Variants in DHX57 observed in about 807,000 individuals in gnomAD.
The protein encoded by DHX57 is DExH-box helicase 57, also known as putative ATP-dependent RNA helicase DHX57.
A neutral mutation model predicts 156.2 loss-of-function variants in DHX57; 105 were observed. The ratio of observed to expected loss-of-function variants is 0.67; its 90% CI spans 0.57 to 0.79. The LOEUF (loss-of-function observed/expected upper bound fraction) is 0.79. Ranked by LOEUF, DHX57 falls within the 30% of genes least tolerant of loss-of-function variation. The pLI is 0.00. For missense variants in DHX57, 1,847 were observed against 1,661.9 expected (o/e 1.11, Z -1.94); for synonymous variants, 704 against 595.6 (o/e 1.18, Z -2.65).
In DHX57 at chr2:38,875,908, T is replaced by G. The variant is rs550282639; in HGVS notation, c.-128A>C. 5 of 396,632 alleles carry G rather than the reference T, an allele frequency of 1.3e-5. No individual in the cohort carries two copies. Among genetic ancestry groups the G allele is most frequent in the African/African-American group, 8.2e-5 (4 of 48,594 alleles). 24.6% of individuals were successfully genotyped at this position (396,632 alleles called of 1,614,324 possible). ...TGGAGCAGCCCTGCGGTGGCCCAGC[T>G]GCAGCGGCACAGTCCCGGCGCCTTC... is the stretch of plus-strand genomic sequence containing the variant. On this transcript the variant is annotated 5_prime_UTR_variant, in exon 1 of 24. Coordinates refer to ENST00000457308, the MANE Select transcript of DHX57 (RefSeq NM_198963.3).
chr2:38,848,257 C>T lies in DHX57; in HGVS notation c.2164+12G>A. ...TTAGAATGATACATATTTAATGATG[C>T]ATTTTATTCACCTGGTATAGTAATA... On this transcript the variant is annotated intron_variant, in intron 10 of 23. Coordinates refer to ENST00000457308, the MANE Select transcript of DHX57 (RefSeq NM_198963.3). 1 of 1,567,442 alleles carries T rather than the reference C, an allele frequency of 6.4e-7. No individual in the cohort carries two copies. Among genetic ancestry groups the T allele is most frequent in the Non-Finnish European group, 8.6e-7 (1 of 1,160,856 alleles).
At chr2:38,817,344 T>G (rs1486506323) in intron 19 of DHX57, among the ~76,000 whole-genome samples, 1 of 152,226 alleles carries the variant, frequency 6.6e-6, no homozygotes, top group Non-Finnish European at 1.5e-5. Context: ...AGACAAAGTC[T>G]CCCTCTGTTG....
intron 2 of DHX57, among the ~76,000 whole-genome samples, chr2:38,867,430 G>A (rs1665137979): frequency 6.6e-6 from 1 of 152,192 alleles, no homozygotes; most frequent in African/African-American, 2.4e-5. Context: ...TTGAACAGGA[G>A]AGAAACCTAG....
rs760574218 is a variant in DHX57 at position 38,861,704 on chromosome 2, C to T, written c.706G>A (p.Val236Ile). The change falls in exon 5 of 24, where the codon GTC (valine) becomes ATC (isoleucine). Residue 236 changes from valine to isoleucine, a missense_variant. Coordinates refer to ENST00000457308, the MANE Select transcript of DHX57 (RefSeq NM_198963.3). ...FGERMKISEA[V>I]NQISLDECME... is the part of the protein sequence containing the mutation. ...CACTCATCCAAGCTTATCTGGTTGA[C>T]TGCCTCAGAGATCTTCATCCTCTCT... 48 of 1,614,082 alleles carry T rather than the reference C, an allele frequency of 3.0e-5. No individual in the cohort carries two copies. Among genetic ancestry groups the T allele is most frequent in the Middle Eastern group, 3.3e-4 (2 of 6,084 alleles).
chr2:38,861,188 C>A lies in DHX57; in HGVS notation c.1222G>T (p.Val408Leu). 1 of 1,614,108 alleles carries A rather than the reference C, an allele frequency of 6.2e-7. No individual in the cohort carries two copies. The highest frequency in any genetic ancestry group is 1.1e-5 in the South Asian group (1 of 91,074). ...LTFAETSEPV[V>L]YSLITLLEEE... is the part of the protein sequence containing the mutation. ...TCTAAAAGGGTTATCAAAGAATATACGACAGGTTCCGAAGTTTCCGCAAAT... is the reference window on the plus strand; with the variant it reads ...TCTAAAAGGGTTATCAAAGAATATAAGACAGGTTCCGAAGTTTCCGCAAAT... The change falls in exon 5 of 24, where the codon GTA becomes TTA. Residue 408 changes from valine to leucine, a missense_variant. Physicochemically the swap from Val to Leu is conservative, Grantham distance 32. Transcript: ENST00000457308.
rs769528294 is a variant in DHX57 at position 38,860,981 on chromosome 2, G to T, written c.1411+18C>A. On this transcript the variant is annotated intron_variant, in intron 5 of 23. Transcript: ENST00000457308. ...TCATTCTGAATGCCTCCCTCCACAA[G>T]ATCAATGCCTTACATACCTTCTGGA... 3 of 1,599,864 alleles carry T rather than the reference G, an allele frequency of 1.9e-6. No individual in the cohort carries two copies. Among genetic ancestry groups the T allele is most frequent in the East Asian group, 4.5e-5 (2 of 44,798 alleles).
At chr2:38,823,366 T>A in intron 16 of DHX57, 97 bp from the exon 17 acceptor site, 1 of 1,268,328 alleles carries the variant, frequency 7.9e-7, no homozygotes, top group Non-Finnish European at 1.1e-6. Context: ...TTTACAAGTT[T>A]AAATAAAAAA....
chr2:38,798,814 T>C (rs1432009185), intron 23 of DHX57, among the ~76,000 whole-genome samples: 1 of 152,026 alleles, frequency 6.6e-6, no homozygotes, highest in Non-Finnish European at 1.5e-5. Flanking sequence ...TGTGGTGGCA[T>C]GCGCCTGTAA....
intron 6 of DHX57, 162 bp from the exon 7 acceptor site, chr2:38,856,623 G>T: frequency 1.1e-6 from 1 of 869,576 alleles, no homozygotes; most frequent in Non-Finnish European, 1.6e-6. Flanking sequence ...CCCGCCTCAA[G>T]CTCCCAAGTA....
chr2:38,849,809 G>A (rs1277126887), intron 9 of DHX57, among the ~76,000 whole-genome samples: 2 of 152,120 alleles, frequency 1.3e-5, no homozygotes, highest in Admixed American at 6.6e-5. Context: ...CACACAGGTA[G>A]CTCCCTCACT....
intron 14 of DHX57, 98 bp from the exon 15 acceptor site, chr2:38,826,787 G>A: frequency 7.6e-7 from 1 of 1,322,152 alleles, no homozygotes; most frequent in Non-Finnish European, 1.0e-6. Context: ...TATGACTTCA[G>A]GTATTAGCAA....
chr2:38,830,360 G>T (rs1309739572), intron 13 of DHX57, among the ~76,000 whole-genome samples: 1 of 152,156 alleles, frequency 6.6e-6, no homozygotes, highest in Non-Finnish European at 1.5e-5. Flanking sequence ...AGGCATGGTG[G>T]CTCAGGCCTG....
intron 22 of DHX57, among the ~76,000 whole-genome samples, chr2:38,804,875 C>G (rs1269326572): frequency 4.6e-5 from 7 of 152,192 alleles, no homozygotes; most frequent in Non-Finnish European, 8.8e-5. Context: ...GGGCCCCTCT[C>G]CTGTCACTCT....
chr2:38,861,133 G>C lies in DHX57; in HGVS notation c.1277C>G (p.Thr426Arg). 6 of 1,614,158 alleles carry C rather than the reference G, an allele frequency of 3.7e-6. No individual in the cohort carries two copies. Among genetic ancestry groups the C allele is most frequent in the Non-Finnish European group, 5.1e-6 (6 of 1,180,018 alleles). Residue 426 changes from threonine (T) to arginine (R), a missense_variant, in exon 5 of 24, where the codon ACG becomes AGG. Physicochemically the swap from Thr to Arg is moderately conservative, Grantham distance 71. Coordinates refer to ENST00000457308, the MANE Select transcript of DHX57 (RefSeq NM_198963.3). ...EEESEIVKLL[T>R]NTHHKYSDPP... Reference sequence around the variant, plus strand: ...GTCACTATACTTGTGGTGGGTATTCGTTAGTAACTTGACTATTTCCGACTC... The same window carrying C: ...GTCACTATACTTGTGGTGGGTATTCCTTAGTAACTTGACTATTTCCGACTC...
At chr2:38,870,910 A>C (rs1482855298) in intron 1 of DHX57, among the ~76,000 whole-genome samples, 7 of 151,912 alleles carry the variant, frequency 4.6e-5, no homozygotes, top group Non-Finnish European at 1.0e-4. Flanking sequence ...CAAAAAAAAA[A>C]CAACAAAAAA....
chr2:38,871,428 T>A (rs2124953502), intron 1 of DHX57, among the ~76,000 whole-genome samples: 1 of 152,300 alleles, frequency 6.6e-6, no homozygotes, highest in East Asian at 1.9e-4. Context: ...AGATATAATA[T>A]GTATAACAAT....
intron 9 of DHX57, among the ~76,000 whole-genome samples, chr2:38,850,582 G>C (rs1371696869): frequency 6.7e-6 from 1 of 149,918 alleles, no homozygotes; most frequent in Non-Finnish European, 1.5e-5. Context: ...CTGTAGGTGT[G>C]AGCCACTGCA....
chr2:38,847,210 A>G, intron 10 of DHX57, 137 bp from the exon 11 acceptor site: 1 of 685,890 alleles, frequency 1.5e-6, no homozygotes. Flanking sequence ...AAGTATCAAG[A>G]AGAAAAGTTC....
chr2:38,810,671 G>A (rs3112215), intron 21 of DHX57: 202,847 of 683,272 alleles, frequency 0.3, 31,067 homozygotes, highest in African/African-American at 0.36. Flanking sequence ...GCAATGCAGT[G>A]GTGGGCAAAG....
Sources: gnomAD v4.1 joint callset for allele counts (sites outside exome capture counted in the v4.1 genomes callset) on GRCh38, gnomAD v4.1.1 for gene constraint, MANE v1.5 for transcripts, NCBI Gene and HGNC (gene_info 2026-07-23, HGNC 2026-07-21) for gene names.